MICB: variants seen among roughly 807,000 people sequenced by gnomAD.
The protein encoded by MICB is MHC class I antigen-related protein B.
Under a neutral mutation model 34.3 loss-of-function variants are expected in MICB, and 27 were observed. The ratio of observed to expected loss-of-function variants is 0.79; its 90% CI spans 0.58 to 1.08. The LOEUF (loss-of-function observed/expected upper bound fraction) is 1.08, where lower values mean the gene tolerates loss of function less well. Ranked by LOEUF, MICB falls within the 50% of genes least tolerant of loss-of-function variation. MICB has a pLI of 0.00. For missense variants in MICB, 426 were observed against 483.1 expected, an observed-to-expected ratio of 0.88 and a Z score of 1.11; for synonymous variants, 153 against 187.4, an observed-to-expected ratio of 0.82 and a Z score of 1.50.
rs369231590 is a variant in MICB, at chr6:31,509,738, A to T, written c.1025-44A>T. The T allele has an allele frequency of 7.6e-5, 120 of 1,571,238 alleles. 1 individual carries two copies. The African/African-American group carries it at 8.1e-4, about 11-fold the overall frequency. On this transcript the variant is annotated intron_variant, in intron 5 of 5. Coordinates refer to ENST00000252229, the MANE Select transcript of MICB (RefSeq NM_005931.5). ...GAAAAGTCCTTAGGGAATAAACACAACACTGCACCCAGTGGAGCATTTACC... is the reference window on the plus strand; with the variant it reads ...GAAAAGTCCTTAGGGAATAAACACATCACTGCACCCAGTGGAGCATTTACC...
At position 31,510,963 on chromosome 6, in the gene MICB, C is replaced by G. The variant is rs925866856; in HGVS notation, c.*1054C>G. 3.9e-5 allele frequency: 6 copies of G among 152,064 alleles called. No homozygotes were observed. The East Asian group carries it at 1.2e-3, about 29-fold the overall frequency. 9.4% of individuals were successfully genotyped at this position (152,064 alleles called of 1,614,324 possible). Reference sequence around the variant, plus strand: ...CAGTAATTAGATTATCATGGGTGAACTTTATGAGTGAGTATCTTGGTGATG... The same window carrying G: ...CAGTAATTAGATTATCATGGGTGAAGTTTATGAGTGAGTATCTTGGTGATG... On this transcript the variant is annotated 3_prime_UTR_variant, in exon 6 of 6. Coordinates refer to ENST00000252229, the MANE Select transcript of MICB (RefSeq NM_005931.5).
At chr6:31,509,654 T>TG in intron 5 of MICB, 128 bp from the exon 6 acceptor site, 1 of 1,185,178 alleles carries the variant, frequency 8.4e-7, no homozygotes, top group Non-Finnish European at 1.2e-6. Flanking sequence ...AAGAAAAAAG[T>TG]GGGGGCCTCA....
At chr6:31,495,393 G>C (rs3095235), upstream of MICB, among the ~76,000 whole-genome samples, 129,163 of 152,042 alleles carry the variant, frequency 0.85, 54,979 homozygotes, top group South Asian at 0.94. Context: ...GGGTCCATCT[G>C]CCTCTCTGTC....
chr6:31,505,839 G>A lies in MICB; in HGVS notation c.293G>A (p.Arg98Lys), dbSNP rs1197825798. 6.2e-7 allele frequency: 1 copy of A among 1,611,510 alleles called. No homozygotes were observed. The highest frequency in any genetic ancestry group is 1.7e-5 in the Admixed American group (1 of 59,686). Residue 98 changes from arginine to lysine, a missense_variant, in exon 2 of 6, where the codon AGG (arginine) becomes AAG (lysine). Coordinates refer to ENST00000252229, the MANE Select transcript of MICB (RefSeq NM_005931.5). ...DLTENGQDLR[R>K]TLTHIKDQKG... ...ACAGAGAATGGGCAAGACCTCAGGA[G>A]GACCCTGACTCATATCAAGGACCAG...
chr6:31,498,065 G>A, upstream of MICB: 1 of 592,892 alleles, frequency 1.7e-6, no homozygotes, highest in Non-Finnish European at 2.7e-6. Context: ...CTAAGTTCCG[G>A]GCCTCAGTTT....
intron 5 of MICB, among the ~76,000 whole-genome samples, chr6:31,508,488 G>A (rs3134891): frequency 0.81 from 122,702 of 152,108 alleles, 49,786 homozygotes; most frequent in East Asian, 0.91. Context: ...CTTGAACCTA[G>A]TTGCACTGTC....
upstream of MICB, among the ~76,000 whole-genome samples, chr6:31,497,153 G>C (rs3828907): frequency 0.34 from 51,238 of 151,836 alleles, 8,766 homozygotes; most frequent in East Asian, 0.46. Flanking sequence ...CCTAGACTAA[G>C]ACTATGGCTG....
In MICB at chr6:31,507,622, G is replaced by A; in HGVS notation, c.1024+91G>A. The A allele has an allele frequency of 2.0e-6, 3 of 1,513,274 alleles. No homozygotes were observed. Among genetic ancestry groups the A allele is most frequent in the Non-Finnish European group, 2.7e-6 (3 of 1,104,102 alleles). The allele number at this position is 1,513,274 out of a possible 1,614,324, so 93.7% of individuals were successfully genotyped here. A position where few individuals can be genotyped will look rare whatever the true frequency, so the allele number is the denominator to read the frequency against. On this transcript the variant is annotated intron_variant, in intron 5 of 5. Transcript: ENST00000252229. The surrounding 1 kb of genome is among the most constrained non-coding windows in gnomAD (Gnocchi z 6.0). ...GCTCCTGCCCAGACAAGACGTAGGTGACAAGGCTGCTGGGACAGGGGATGG... is the reference window on the plus strand; with the variant it reads ...GCTCCTGCCCAGACAAGACGTAGGTAACAAGGCTGCTGGGACAGGGGATGG...
In MICB at chr6:31,504,254, C is replaced by CTTTTTTTTTTTTTT. The variant is rs9281513; in HGVS notation, c.71-1353_71-1340dup. ...TCTGGAAACTAATCTCTCTCTTTTTCTTTTTTTTTTTTTTTTTTTTTTTGA... is the reference window on the plus strand; with the variant it reads ...TCTGGAAACTAATCTCTCTCTTTTTCTTTTTTTTTTTTTTTTTTTTTTTTTTTTTTTTTTTTTGA... On this transcript the variant is annotated intron_variant, in intron 1 of 5. Coordinates refer to ENST00000252229, the MANE Select transcript of MICB (RefSeq NM_005931.5). 7.1e-4 allele frequency among the ~76,000 whole-genome samples: 43 copies of CTTTTTTTTTTTTTT among 60,264 alleles called. 3 individuals carry two copies. The highest frequency in any genetic ancestry group is 2.2e-3 in the East Asian group (4 of 1,850). 39.5% of individuals were successfully genotyped at this position (60,264 alleles called of 152,430 possible).
intron 1 of MICB, among the ~76,000 whole-genome samples, chr6:31,499,060 G>A (rs1462587011): frequency 6.6e-6 from 1 of 152,058 alleles, no homozygotes; most frequent in East Asian, 1.9e-4. Flanking sequence ...TCCTGGAGTT[G>A]GGGCCCTCCT....
upstream of MICB, chr6:31,496,541 G>C (rs1031698405): frequency 6.6e-6 from 1 of 151,694 alleles, no homozygotes; most frequent in Non-Finnish European, 1.5e-5. Context: ...TAAGTTTTTT[G>C]TATTTTTAGT....
intron 2 of MICB, 97 bp from the exon 3 acceptor site, chr6:31,506,046 G>C: frequency 3.3e-6 from 5 of 1,495,726 alleles, no homozygotes; most frequent in Middle Eastern, 1.8e-4. Flanking sequence ...GAGGCATGGA[G>C]GAGGGCCAGG....
At chr6:31,505,897 A>G (rs1285412062) in intron 2 of MICB, 26 bp downstream of exon 2, 1 of 1,571,480 alleles carries the variant, frequency 6.4e-7, no homozygotes, top group Non-Finnish European at 8.6e-7. Flanking sequence ...GGCAAGAGTA[A>G]TGGGAGGCCT....
At chr6:31,501,788 C>T (rs1765031261) in intron 1 of MICB, among the ~76,000 whole-genome samples, 2 of 152,010 alleles carry the variant, frequency 1.3e-5, no homozygotes, top group Non-Finnish European at 2.9e-5. Flanking sequence ...TTCATTGGTC[C>T]GTGTGTCTGT....
chr6:31,507,666 G>A lies in MICB; in HGVS notation c.1024+135G>A, dbSNP rs978047955. On this transcript the variant is annotated intron_variant, in intron 5 of 5. Coordinates refer to ENST00000252229, the MANE Select transcript of MICB (RefSeq NM_005931.5). The surrounding 1 kb of genome is among the most constrained non-coding windows in gnomAD (Gnocchi z 6.0). ...GGGATGGAAGCTGGGGTATTTGGGAGGGGAATGGGAGCTGCATCTCCATCT... is the reference window on the plus strand; with the variant it reads ...GGGATGGAAGCTGGGGTATTTGGGAAGGGAATGGGAGCTGCATCTCCATCT... The A allele has an allele frequency of 9.4e-7, 1 of 1,062,940 alleles. No homozygotes were observed. 65.8% of individuals were successfully genotyped at this position (1,062,940 alleles called of 1,614,324 possible).
At chr6:31,495,453 G>A (rs1764604525), upstream of MICB, among the ~76,000 whole-genome samples, 1 of 152,076 alleles carries the variant, frequency 6.6e-6, no homozygotes. Context: ...CTCTAAGGTG[G>A]GGACAGGACC....
At chr6:31,502,251 G>A (rs139016041) in intron 1 of MICB, among the ~76,000 whole-genome samples, 1 of 152,142 alleles carries the variant, frequency 6.6e-6, no homozygotes. Context: ...CAGGAGAATC[G>A]CTTGAACCCA....
chr6:31,508,562 C>T (rs3132466), intron 5 of MICB, among the ~76,000 whole-genome samples: 117,209 of 151,726 alleles, frequency 0.77, 45,507 homozygotes, highest in East Asian at 0.88. Context: ...AAGAGGGCCC[C>T]ATCCAGGAGG....
Position 31,507,953 on chromosome 6 carries a change from G to GA in MICB, c.1024+422_1024+423insA, listed in dbSNP as rs1314780933. ...GTAAAGGTGGCTGTGATCTGGGGAG[G>GA]GCCAGAAACTGGAGAGGAATCCAAG... On this transcript the variant is annotated intron_variant, in intron 5 of 5. Coordinates refer to ENST00000252229, the MANE Select transcript of MICB (RefSeq NM_005931.5). The surrounding 1 kb of genome is among the most constrained non-coding windows in gnomAD (Gnocchi z 6.0). 1.3e-5 allele frequency among the ~76,000 whole-genome samples: 2 copies of GA among 152,188 alleles called. No individual in the cohort carries two copies. Among genetic ancestry groups the GA allele is most frequent in the African/African-American group, 4.8e-5 (2 of 41,440 alleles).
Sources: gnomAD v4.1 joint callset for allele counts (sites outside exome capture counted in the v4.1 genomes callset) on GRCh38, gnomAD v4.1.1 for gene constraint, Gnocchi (gnomAD v3.1) non-coding constraint, MANE v1.5 for transcripts, NCBI Gene and HGNC (gene_info 2026-07-23, HGNC 2026-07-21) for gene names.